Variants in CNR2 observed in about 807,000 individuals in gnomAD.
CNR2 encodes the protein cannabinoid receptor 2.
For synonymous variants in CNR2, 172 were observed against 182.2 expected (o/e 0.94, Z 0.45); for missense variants, 379 against 439.9 (o/e 0.86, Z 1.24).
chr1:23,902,779 T>G (rs1640422927), intron 1 of CNR2: 4 of 1,471,534 alleles, frequency 2.7e-6, no homozygotes, highest in Non-Finnish European at 3.6e-6. Flanking sequence ...TGTTGCCAAG[T>G]GTGGGCTGCG....
intron 1 of CNR2, among the ~76,000 whole-genome samples, chr1:23,877,936 G>T (rs1369797370): frequency 6.6e-6 from 1 of 151,766 alleles, no homozygotes; most frequent in Non-Finnish European, 1.5e-5. Flanking sequence ...ACAGCAGCCT[G>T]GGCGATAAGA....
At chr1:23,906,831 G>T (rs1640493467) in intron 1 of CNR2, among the ~76,000 whole-genome samples, 1 of 151,374 alleles carries the variant, frequency 6.6e-6, no homozygotes, top group Non-Finnish European at 1.5e-5. Flanking sequence ...GGTCAAGGCT[G>T]CAGTGAGCCA....
intron 1 of CNR2, among the ~76,000 whole-genome samples, chr1:23,880,740 A>G (rs1432284263): frequency 6.6e-6 from 1 of 150,882 alleles, no homozygotes; most frequent in East Asian, 2.0e-4. Context: ...TTTTTTTAAT[A>G]TATATATTTT....
intron 1 of CNR2, among the ~76,000 whole-genome samples, chr1:23,901,101 G>A (rs1174278164): frequency 6.6e-6 from 1 of 151,900 alleles, no homozygotes; most frequent in Non-Finnish European, 1.5e-5. Context: ...ACTTTTTGCC[G>A]ATTTTAGATT....
In CNR2 at chr1:23,874,675, C is replaced by A; in HGVS notation, c.943G>T (p.Ala315Ser). Residue 315 changes from alanine to serine, a missense_variant, in exon 2 of 2, where the codon GCT becomes TCT. Transcript: ENST00000374472. ...EIRSSAHHCLAHWKKCVRGLG... is the reference protein window; with the variant it reads ...EIRSSAHHCLSHWKKCVRGLG... ...CCCCTCACACACTTCTTCCAGTGAG[C>A]CAGGCAGTGATGGGCAGAGGAGCGG... The A allele has an allele frequency of 6.2e-7, 1 of 1,614,150 alleles. No individual in the cohort carries two copies. Among genetic ancestry groups the A allele is most frequent in the African/African-American group, 1.3e-5 (1 of 75,042 alleles).
chr1:23,896,975 T>C (rs1226289300), intron 1 of CNR2, among the ~76,000 whole-genome samples: 2 of 150,542 alleles, frequency 1.3e-5, no homozygotes, highest in African/African-American at 2.4e-5. Flanking sequence ...AGCTGCCTCC[T>C]TCCAGCTTCA....
chr1:23,898,296 C>T lies in CNR2; in HGVS notation c.-46+14950G>A, dbSNP rs532462635. Among the ~76,000 whole-genome samples, 1,071 of 148,606 alleles carry T rather than the reference C, an allele frequency of 7.2e-3. 15 individuals carry two copies. The highest frequency in any genetic ancestry group is 0.025 in the African/African-American group (1,005 of 40,416). ...TTGTGATCCGCCCGCCTCAGCCTCC[C>T]AAAGTGCTGGGATTACAGGCGTGAG... On this transcript the variant is annotated intron_variant, in intron 1 of 1. Coordinates refer to ENST00000374472, the MANE Select transcript of CNR2 (RefSeq NM_001841.3).
At chr1:23,879,295 A>AAAAAC (rs905525857) in intron 1 of CNR2, among the ~76,000 whole-genome samples, 12 of 152,126 alleles carry the variant, frequency 7.9e-5, no homozygotes, top group African/African-American at 1.9e-4. Context: ...CTCTGTTTCA[A>AAAAAC]AAAACAAAAC....
intron 1 of CNR2, among the ~76,000 whole-genome samples, chr1:23,906,891 CA>C (rs111873996): frequency 3.6e-3 from 416 of 115,106 alleles, no homozygotes; most frequent in Non-Finnish European, 3.5e-3. Context: ...GACTCTGTGT[CA>C]AAAAAAAAAA....
chr1:23,905,098 G>A (rs150627603), intron 1 of CNR2, among the ~76,000 whole-genome samples: 106 of 147,542 alleles, frequency 7.2e-4, no homozygotes, highest in African/African-American at 2.7e-3. Flanking sequence ...TGGTGATTAT[G>A]ACAATAGTAG....
chr1:23,892,640 T>G (rs2148465390), intron 1 of CNR2, among the ~76,000 whole-genome samples: 1 of 152,344 alleles, frequency 6.6e-6, no homozygotes. Flanking sequence ...ATTTATTTAT[T>G]GCTCCTTTTA....
chr1:23,874,661 C>T lies in CNR2; in HGVS notation c.957G>A (p.Lys319=). 6.2e-7 allele frequency: 1 copy of T among 1,614,188 alleles called. No individual in the cohort carries two copies. Reference sequence around the variant, plus strand: ...CCTCTGACCCAAGGCCCCTCACACACTTCTTCCAGTGAGCCAGGCAGTGAT... The same window carrying T: ...CCTCTGACCCAAGGCCCCTCACACATTTCTTCCAGTGAGCCAGGCAGTGAT... ...SAHHCLAHWK[K]CVRGLGSEAK... Residue 319 remains lysine, a synonymous_variant, in exon 2 of 2, where the codon AAG becomes AAA. Transcript: ENST00000374472.
intron 1 of CNR2, among the ~76,000 whole-genome samples, chr1:23,898,887 A>G (rs1640335544): frequency 6.7e-6 from 1 of 149,872 alleles, no homozygotes; most frequent in Non-Finnish European, 1.5e-5. Context: ...TCCTGACCTC[A>G]GGTGATCCAA....
rs372132839 is a variant in CNR2, at chr1:23,874,630, C to T, written c.988G>A (p.Glu330Lys). Residue 330 changes from glutamate (E) to lysine (K), a missense_variant, in exon 2 of 2, where the codon GAA (glutamate) becomes AAA (lysine). Coordinates refer to ENST00000374472, the MANE Select transcript of CNR2 (RefSeq NM_001841.3). The stretch of plus-strand genomic sequence containing the variant: ...GTGACTGAGGATCTCGGGGCTTCTT[C>T]TTTTGCCTCTGACCCAAGGCCCCTC... ...CVRGLGSEAK[E>K]EAPRSSVTET... 1.4e-5 allele frequency: 23 copies of T among 1,614,042 alleles called. No individual in the cohort carries two copies. The African/African-American group carries it at 2.5e-4, about 18-fold the overall frequency.
chr1:23,896,667 AG>A (rs1217897764), intron 1 of CNR2, among the ~76,000 whole-genome samples: 1 of 152,194 alleles, frequency 6.6e-6, no homozygotes, highest in African/African-American at 2.4e-5. Flanking sequence ...AGGAAAGCAG[AG>A]GGGGAAGACC....
intron 1 of CNR2, chr1:23,902,607 G>T: frequency 6.2e-7 from 1 of 1,603,464 alleles, no homozygotes; most frequent in Non-Finnish European, 8.5e-7. Flanking sequence ...ATAGAAGACG[G>T]AGCTGCAGAC....
chr1:23,898,177 C>G (rs905783909), intron 1 of CNR2, among the ~76,000 whole-genome samples: 1 of 151,432 alleles, frequency 6.6e-6, no homozygotes, highest in African/African-American at 2.4e-5. Flanking sequence ...CAGGCACCCG[C>G]CACCATGCCT....
At chr1:23,908,191 G>A (rs920613203) in intron 1 of CNR2, among the ~76,000 whole-genome samples, 5 of 152,224 alleles carry the variant, frequency 3.3e-5, no homozygotes, top group Admixed American at 1.3e-4. Flanking sequence ...ATGTTGGCCA[G>A]CATGGTCTCG....
chr1:23,880,108 T>C (rs1639953137), intron 1 of CNR2, among the ~76,000 whole-genome samples: 2 of 151,884 alleles, frequency 1.3e-5, no homozygotes, highest in African/African-American at 4.8e-5. Context: ...TTTAAGTCTT[T>C]GCCCAGATCT....
Sources: allele counts gnomAD v4.1 joint callset (sites outside exome capture counted in the v4.1 genomes callset), GRCh38; gene constraint gnomAD v4.1.1; transcripts MANE v1.5; gene names NCBI Gene and HGNC (gene_info 2026-07-23, HGNC 2026-07-21).